SHROOM4: variants seen among roughly 807,000 people sequenced by gnomAD.
SHROOM4 encodes the protein protein Shroom4.
In SHROOM4, 17 loss-of-function variants were observed where a neutral mutation model predicts 80.3. That is an observed-to-expected ratio of 0.21 (90% CI 0.14 to 0.32). The LOEUF is 0.32. Ranked by LOEUF, SHROOM4 falls within the 10% of genes least tolerant of loss-of-function variation. SHROOM4 has a pLI of 1.00. For missense variants in SHROOM4, 993 were observed against 1,140.3 expected, an observed-to-expected ratio of 0.87 and a Z score of 1.86; for synonymous variants, 400 against 437.5, an observed-to-expected ratio of 0.91 and a Z score of 1.07.
chrX:50,646,527 A>AGT (rs782016561), intron 2 of SHROOM4, among the ~76,000 whole-genome samples: 8,333 of 78,586 alleles, frequency 0.11, 425 homozygotes, highest in Middle Eastern at 0.12. Flanking sequence ...AGGGGGGAAG[A>AGT]GTGTGTGTGT....
intron 2 of SHROOM4, among the ~76,000 whole-genome samples, chrX:50,687,981 A>G (rs1933119690): frequency 1.8e-5 from 2 of 110,209 alleles, no homozygotes; most frequent in Non-Finnish European, 3.8e-5. Context: ...AACAATGAAC[A>G]AGCAGCCCCT....
intron 1 of SHROOM4, among the ~76,000 whole-genome samples, chrX:50,741,244 A>G (rs1934648275): frequency 9.0e-6 from 1 of 110,681 alleles, no homozygotes; most frequent in Admixed American, 9.8e-5. Context: ...TTGAATTCAT[A>G]GAAATAGAGA....
At chrX:50,610,498 T>A (rs912578490) in intron 5 of SHROOM4, among the ~76,000 whole-genome samples, 1 of 111,399 alleles carries the variant, frequency 9.0e-6, no homozygotes. Context: ...CTTATTCTAC[T>A]TCATTCTTTG....
intron 2 of SHROOM4, among the ~76,000 whole-genome samples, chrX:50,664,934 C>CAG (rs1557260229): frequency 9.1e-6 from 1 of 109,359 alleles, no homozygotes; most frequent in African/African-American, 3.4e-5. Context: ...CACAGACACA[C>CAG]ACACACACAC....
chrX:50,638,975 G>A (rs992325579), intron 2 of SHROOM4, among the ~76,000 whole-genome samples: 6 of 112,682 alleles, frequency 5.3e-5, no homozygotes, highest in Non-Finnish European at 1.1e-4. Context: ...CAAACTGGTG[G>A]CAGGAAGCCC....
At chrX:50,729,123 G>A (rs1229009154) in intron 1 of SHROOM4, among the ~76,000 whole-genome samples, 3 of 111,729 alleles carry the variant, frequency 2.7e-5, no homozygotes, top group African/African-American at 9.8e-5. Flanking sequence ...TACAATATAT[G>A]AAACAAAGAG....
chrX:50,714,265 C>T (rs1475370954), intron 1 of SHROOM4, among the ~76,000 whole-genome samples: 1 of 112,141 alleles, frequency 8.9e-6, no homozygotes, highest in Non-Finnish European at 1.9e-5. Flanking sequence ...ATGCGTGCAG[C>T]TTTGCTCTTT....
intron 5 of SHROOM4, among the ~76,000 whole-genome samples, chrX:50,619,995 G>C (rs921418058): frequency 9.0e-6 from 1 of 111,320 alleles, no homozygotes; most frequent in Non-Finnish European, 1.9e-5. Flanking sequence ...GAGAATTCTA[G>C]CAAACCCAAT....
intron 2 of SHROOM4, among the ~76,000 whole-genome samples, chrX:50,670,665 G>T (rs782657131): frequency 5.4e-5 from 6 of 111,750 alleles, no homozygotes; most frequent in African/African-American, 1.6e-4. Context: ...TCTGGTTCTA[G>T]ATCCTTAAGG....
intron 5 of SHROOM4, among the ~76,000 whole-genome samples, chrX:50,621,830 T>C (rs1033151596): frequency 3.6e-5 from 4 of 111,517 alleles, no homozygotes; most frequent in Admixed American, 1.9e-4. Flanking sequence ...AATCAGTAAA[T>C]AGGAACTCTG....
At chrX:50,646,527 A>T (rs1602400475) in intron 2 of SHROOM4, among the ~76,000 whole-genome samples, 1 of 78,781 alleles carries the variant, frequency 1.3e-5, no homozygotes, top group Non-Finnish European at 2.5e-5. Flanking sequence ...AGGGGGGAAG[A>T]GTGTGTGTGT....
chrX:50,634,341 A>T lies in SHROOM4; in HGVS notation c.1732T>A (p.Ser578Thr). 8.3e-7 allele frequency: 1 copy of T among 1,210,767 alleles called. No individual in the cohort carries two copies. The highest frequency in any genetic ancestry group is 1.1e-6 in the Non-Finnish European group (1 of 895,333). Residue 578 changes from serine to threonine, a missense_variant, in exon 4 of 9, where the codon TCG becomes ACG. Physicochemically the swap from Ser to Thr is moderately conservative, Grantham distance 58. Coordinates refer to ENST00000376020, the MANE Select transcript of SHROOM4 (RefSeq NM_020717.5). ...TCACTCTTCCGCCGGTTTTGGATCG[A>T]GCGGCCCCGGGTCCCTCCACTTCGC... Reference protein sequence around the residue: ...GRRSGGTRGRSIQNRRKSERF... With the variant: ...GRRSGGTRGRTIQNRRKSERF...
intron 1 of SHROOM4, among the ~76,000 whole-genome samples, chrX:50,792,492 C>A (rs1935872751): frequency 9.5e-6 from 1 of 104,973 alleles, no homozygotes; most frequent in African/African-American, 3.5e-5. Context: ...GGTGACAGAG[C>A]AAGACTCTCT....
intron 1 of SHROOM4, among the ~76,000 whole-genome samples, chrX:50,759,797 A>T (rs6614347): frequency 0.062 from 6,912 of 110,972 alleles, 557 homozygotes; most frequent in African/African-American, 0.22. Flanking sequence ...TTATTTCTTC[A>T]GTGATTTATT....
chrX:50,650,697 A>G (rs782739957), intron 2 of SHROOM4, among the ~76,000 whole-genome samples: 1 of 111,991 alleles, frequency 8.9e-6, no homozygotes, highest in South Asian at 3.7e-4. Flanking sequence ...ACCATTCTAC[A>G]TGGACATATC....
intron 2 of SHROOM4, among the ~76,000 whole-genome samples, chrX:50,671,468 T>C (rs138455635): frequency 1.8e-3 from 204 of 112,374 alleles, no homozygotes; most frequent in African/African-American, 6.1e-3. Context: ...TCAATGATCT[T>C]AGCTAGATCT....
chrX:50,634,822 C>A lies in SHROOM4; in HGVS notation c.1251G>T (p.Leu417=). The change falls in exon 4 of 9, where the codon CTG becomes CTT. Residue 417 remains leucine, a synonymous_variant. Transcript: ENST00000376020. ...GHRHSAPEQL[L]ASHLQHVHLD... Reference sequence around the variant, plus strand: ...GGTGCACATGCTGCAGGTGGGATGCCAGCAGCTGTTCAGGGGCACTATGGC... The same window carrying A: ...GGTGCACATGCTGCAGGTGGGATGCAAGCAGCTGTTCAGGGGCACTATGGC... 1 of 1,210,748 alleles carries A rather than the reference C, an allele frequency of 8.3e-7. No individual in the cohort carries two copies. The highest frequency in any genetic ancestry group is 1.1e-6 in the Non-Finnish European group (1 of 894,931).
In SHROOM4 at chrX:50,736,876, T is replaced by C. The variant is rs782463297; in HGVS notation, c.118-40939A>G. 2.7e-5 allele frequency among the ~76,000 whole-genome samples: 3 copies of C among 112,160 alleles called. No individual in the cohort carries two copies. In the Admixed American group the frequency reaches 2.8e-4, roughly 11 times the overall value. On this transcript the variant is annotated intron_variant, in intron 1 of 8. Transcript: ENST00000376020. ...ATTCCCGCCAACAGTATAAAAGCAA[T>C]AAATCTGTTTTAAAAAGAGGAAGTA...
intron 3 of SHROOM4, 118 bp downstream of exon 3, chrX:50,638,056 T>A (rs1179368832): frequency 6.3e-6 from 6 of 948,770 alleles, no homozygotes; most frequent in Non-Finnish European, 8.8e-6. Context: ...GGACTCCCAC[T>A]TGCTTTTCCA....
Sources: gnomAD v4.1 joint callset for allele counts (sites outside exome capture counted in the v4.1 genomes callset) on GRCh38, gnomAD v4.1.1 for gene constraint, MANE v1.5 for transcripts, NCBI Gene and HGNC (gene_info 2026-07-23, HGNC 2026-07-21) for gene names.